Variants in PCDH11X observed in about 807,000 individuals in gnomAD.
PCDH11X encodes protocadherin 11 X-linked, also known as protocadherin-11 X-linked.
In PCDH11X, 18 loss-of-function variants were observed where a neutral mutation model predicts 53.3. The observed-to-expected ratio is 0.34, with a 90% CI of 0.23 to 0.50. The LOEUF is 0.50. Among genes scored for constraint, PCDH11X ranks in the 20% least tolerant of loss-of-function variants. The pLI is 0.98. For missense variants in PCDH11X, 570 were observed against 1,032.4 expected, an observed-to-expected ratio of 0.55 and a Z score of 6.14; for synonymous variants, 279 against 393.3, an observed-to-expected ratio of 0.71 and a Z score of 3.44.
chrX:92,143,510 C>T (rs768459215), intron 6 of PCDH11X, among the ~76,000 whole-genome samples: 26 of 112,640 alleles, frequency 2.3e-4, no homozygotes, highest in African/African-American at 8.1e-4. Context: ...CTTCAGAGGG[C>T]GGAAGCCCCA....
Position 92,065,658 on chromosome X carries a change from A to C in PCDH11X, c.3034-135717A>C, listed in dbSNP as rs138591679. The stretch of plus-strand genomic sequence containing the variant: ...GCCTGTTTGCCATTTCATGTTTTCT[A>C]TTCAGAAATGTCTATTCAAATCTTT... On this transcript the variant is annotated intron_variant, in intron 6 of 10. Coordinates refer to ENST00000682573, the MANE Select transcript of PCDH11X (RefSeq NM_032968.5). Among the ~76,000 whole-genome samples the C allele has an allele frequency of 4.5e-5, 5 of 111,540 alleles. No individual in the cohort carries two copies. The East Asian group carries it at 1.4e-3, about 32-fold the overall frequency.
intron 8 of PCDH11X, among the ~76,000 whole-genome samples, chrX:92,354,149 G>T (rs111575576): frequency 0.081 from 8,075 of 99,967 alleles, 362 homozygotes; most frequent in Middle Eastern, 0.14. Context: ...GAATCATATA[G>T]ATTTTAAAGA....
chrX:92,081,997 C>G (rs1470707221), intron 6 of PCDH11X, among the ~76,000 whole-genome samples: 4 of 110,451 alleles, frequency 3.6e-5, no homozygotes, highest in African/African-American at 1.3e-4. Context: ...TACAACAATA[C>G]TCTGGGGTAG....
At chrX:91,822,118 T>C (rs1436630265) in intron 4 of PCDH11X, among the ~76,000 whole-genome samples, 55 of 110,115 alleles carry the variant, frequency 5.0e-4, no homozygotes, top group African/African-American at 1.8e-3. Flanking sequence ...TCATCAAGGA[T>C]ATTGGTCTAA....
chrX:92,036,360 A>G (rs1362593065), intron 6 of PCDH11X, among the ~76,000 whole-genome samples: 1 of 108,689 alleles, frequency 9.2e-6, no homozygotes, highest in Non-Finnish European at 1.9e-5. Flanking sequence ...AACTCCTACA[A>G]TTGCCACTTG....
intron 8 of PCDH11X, among the ~76,000 whole-genome samples, chrX:92,315,527 T>G (rs1427840480): frequency 9.0e-6 from 1 of 111,530 alleles, no homozygotes; most frequent in Admixed American, 9.6e-5. Context: ...ATAGAAATGA[T>G]CAAATTATTT....
At chrX:91,795,601 T>C (rs1935707234) in intron 1 of PCDH11X, among the ~76,000 whole-genome samples, 1 of 111,321 alleles carries the variant, frequency 9.0e-6, no homozygotes, top group Admixed American at 9.6e-5. Flanking sequence ...TGAATGAAAC[T>C]TAAATTTTAT....
intron 6 of PCDH11X, among the ~76,000 whole-genome samples, chrX:92,016,431 A>C (rs1244890122): frequency 9.1e-6 from 1 of 109,871 alleles, no homozygotes; most frequent in Admixed American, 9.8e-5. Flanking sequence ...CTTCATCTAC[A>C]CTGAAAATCT....
At chrX:92,204,100 C>A in intron 7 of PCDH11X, among the ~76,000 whole-genome samples, 1 of 111,386 alleles carries the variant, frequency 9.0e-6, no homozygotes. Context: ...CCTGGCCCAG[C>A]CCATAAAATC....
intron 5 of PCDH11X, among the ~76,000 whole-genome samples, chrX:91,872,540 T>G (rs1569420752): frequency 1.8e-5 from 2 of 110,908 alleles, no homozygotes; most frequent in Non-Finnish European, 3.8e-5. Context: ...AAACAAAGCT[T>G]CATGCCATAT....
chrX:92,527,993 G>A (rs1176003294), intron 10 of PCDH11X, among the ~76,000 whole-genome samples: 8 of 111,749 alleles, frequency 7.2e-5, no homozygotes, highest in African/African-American at 2.6e-4. Context: ...AGCATAAGGG[G>A]CATTCTACAT....
chrX:92,002,874 C>A (rs2062533631), intron 6 of PCDH11X, among the ~76,000 whole-genome samples: 1 of 107,504 alleles, frequency 9.3e-6, no homozygotes, highest in Non-Finnish European at 1.9e-5. Context: ...AATTTGGATT[C>A]TTTTATATTT....
At chrX:92,501,368 C>G (rs1163532847) in intron 10 of PCDH11X, among the ~76,000 whole-genome samples, 1 of 111,532 alleles carries the variant, frequency 9.0e-6, no homozygotes, top group African/African-American at 3.3e-5. Context: ...TCCTCCCTAA[C>G]TAATTCTCTG....
chrX:92,478,738 G>A (rs987880509), intron 10 of PCDH11X, among the ~76,000 whole-genome samples: 3 of 109,635 alleles, frequency 2.7e-5, no homozygotes, highest in African/African-American at 1.0e-4. Flanking sequence ...ATCTGAGGGA[G>A]TGATTCTTAT....
chrX:91,956,780 T>C (rs1327324829), intron 6 of PCDH11X, among the ~76,000 whole-genome samples: 1 of 108,318 alleles, frequency 9.2e-6, no homozygotes, highest in African/African-American at 3.4e-5. Context: ...TCTCTGGATT[T>C]CCTGAATTTA....
chrX:92,590,008 T>A (rs1286373659), intron 10 of PCDH11X, among the ~76,000 whole-genome samples: 2 of 110,166 alleles, frequency 1.8e-5, no homozygotes, highest in Non-Finnish European at 3.8e-5. Flanking sequence ...ATTGGCCTTT[T>A]AAGATATATT....
chrX:92,522,183 T>G (rs2148717341), intron 10 of PCDH11X, among the ~76,000 whole-genome samples: 1 of 111,934 alleles, frequency 8.9e-6, no homozygotes, highest in Non-Finnish European at 1.9e-5. Flanking sequence ...CTCACTAAGC[T>G]TAATCATTTC....
At chrX:92,059,127 G>T (rs2063491176) in intron 6 of PCDH11X, among the ~76,000 whole-genome samples, 1 of 105,721 alleles carries the variant, frequency 9.5e-6, no homozygotes, top group Non-Finnish European at 2.0e-5. Flanking sequence ...TTGGCTGTAT[G>T]ATATGAATGC....
At chrX:92,220,970 G>A (rs1231311346) in intron 7 of PCDH11X, among the ~76,000 whole-genome samples, 2 of 98,447 alleles carry the variant, frequency 2.0e-5, no homozygotes, top group African/African-American at 7.5e-5. Context: ...AACACCCCAT[G>A]TTCTCACTCA....
Sources: gnomAD v4.1 joint callset for allele counts (sites outside exome capture counted in the v4.1 genomes callset) on GRCh38, gnomAD v4.1.1 for gene constraint, MANE v1.5 for transcripts, NCBI Gene and HGNC (gene_info 2026-07-23, HGNC 2026-07-21) for gene names.